Variants in COL4A2 observed in about 807,000 individuals in gnomAD.
COL4A2 encodes the protein collagen alpha-2(IV) chain.
Under a neutral mutation model 200.2 loss-of-function variants are expected in COL4A2, and 99 were observed. That is an observed-to-expected ratio of 0.49 (90% CI 0.42 to 0.58). The LOEUF (loss-of-function observed/expected upper bound fraction) is 0.58. Ranked by LOEUF, COL4A2 falls within the 20% of genes least tolerant of loss-of-function variation. COL4A2 has a pLI of 0.00. For missense variants in COL4A2, 1,950 were observed against 2,314.1 expected, an observed-to-expected ratio of 0.84 and a Z score of 3.23; for synonymous variants, 897 against 900.6, an observed-to-expected ratio of 1.00 and a Z score of 0.07.
At chr13:110,309,883 C>T (rs746173441) in intron 3 of COL4A2, among the ~76,000 whole-genome samples, 1 of 152,166 alleles carries the variant, frequency 6.6e-6, no homozygotes, top group African/African-American at 2.4e-5. Flanking sequence ...TCCAGCTACT[C>T]AGGAGGCTGA....
chr13:110,377,050 T>C (rs960413375), intron 4 of COL4A2, among the ~76,000 whole-genome samples: 3 of 152,092 alleles, frequency 2.0e-5, no homozygotes, highest in East Asian at 1.9e-4. Context: ...ATTTTACTTA[T>C]TACGTTGAAT....
chr13:110,366,386 G>A (rs373755956), intron 4 of COL4A2, among the ~76,000 whole-genome samples: 4 of 152,152 alleles, frequency 2.6e-5, no homozygotes, highest in African/African-American at 7.2e-5. Flanking sequence ...TTATCTCAGC[G>A]GTCCTTTAGA....
chr13:110,311,892 G>T (rs1002755259), intron 3 of COL4A2, among the ~76,000 whole-genome samples: 1 of 152,192 alleles, frequency 6.6e-6, no homozygotes, highest in South Asian at 2.1e-4. Flanking sequence ...GGCTGTCCTC[G>T]GGGCTCCAGC....
At position 110,429,832 on chromosome 13, in the gene COL4A2, G is replaced by A. The variant is rs1383911268; in HGVS notation, c.478-53G>A. 2.1e-5 allele frequency: 33 copies of A among 1,566,354 alleles called. No individual in the cohort carries two copies. The Admixed American group carries it at 5.5e-4, about 26-fold the overall frequency. Reference sequence around the variant, plus strand: ...CCACATTACCATAGCTGCACCGAATGTTAATGGACTCTTTTTGTTGTTTTT... The same window carrying A: ...CCACATTACCATAGCTGCACCGAATATTAATGGACTCTTTTTGTTGTTTTT... On this transcript the variant is annotated intron_variant, in intron 7 of 47. Transcript: ENST00000360467.
intron 3 of COL4A2, among the ~76,000 whole-genome samples, chr13:110,350,415 A>G (rs4773165): frequency 0.012 from 1,754 of 152,250 alleles, 18 homozygotes; most frequent in Non-Finnish European, 0.018. Flanking sequence ...AATTTTTTTT[A>G]GCACTTGGAG....
chr13:110,362,852 A>G (rs1877577676), intron 4 of COL4A2, among the ~76,000 whole-genome samples: 1 of 152,208 alleles, frequency 6.6e-6, no homozygotes, highest in Admixed American at 6.5e-5. Context: ...CAGATGGTGA[A>G]AGTCTTGGAT....
chr13:110,350,305 T>C (rs1876898449), intron 3 of COL4A2, among the ~76,000 whole-genome samples: 1 of 152,196 alleles, frequency 6.6e-6, no homozygotes, highest in Non-Finnish European at 1.5e-5. Context: ...CCTACAGTTT[T>C]GAATTGGCAC....
chr13:110,446,919 T>G (rs754317983), intron 18 of COL4A2, 55 bp downstream of exon 18: 16 of 1,450,472 alleles, frequency 1.1e-5, no homozygotes, highest in Non-Finnish European at 1.5e-5. Context: ...TTCTCTCCTG[T>G]TAGGGACACA....
intron 30 of COL4A2, 96 bp downstream of exon 30, chr13:110,478,260 C>T: frequency 7.9e-7 from 1 of 1,263,126 alleles, no homozygotes; most frequent in Non-Finnish European, 1.1e-6. Context: ...AAGTCTGTTC[C>T]ATGGAACCCC....
intron 39 of COL4A2, among the ~76,000 whole-genome samples, chr13:110,494,884 A>C (rs9555712): frequency 0.11 from 17,469 of 152,304 alleles, 1,293 homozygotes; most frequent in South Asian, 0.21. Context: ...ACACTCCATT[A>C]CAGTTCCAGT....
At chr13:110,458,011 G>T in intron 21 of COL4A2, 1 of 421,088 alleles carries the variant, frequency 2.4e-6, no homozygotes, top group South Asian at 1.8e-5. Context: ...GTGAGGCTCT[G>T]TGGGCCCTGG....
chr13:110,460,093 A>G (rs1008444103), intron 22 of COL4A2, among the ~76,000 whole-genome samples: 1 of 152,230 alleles, frequency 6.6e-6, no homozygotes, highest in Admixed American at 6.5e-5. Flanking sequence ...TGGGAAATTT[A>G]TAAAGCAAAA....
chr13:110,409,132 TGCACACAC>T (rs1422919692), intron 4 of COL4A2, among the ~76,000 whole-genome samples: 10 of 141,238 alleles, frequency 7.1e-5, no homozygotes, highest in African/African-American at 2.1e-4. Flanking sequence ...CACATGCACA[TGCACACAC>T]GCACACATGT....
At chr13:110,371,577 A>C (rs747660979) in intron 4 of COL4A2, among the ~76,000 whole-genome samples, 24 of 152,266 alleles carry the variant, frequency 1.6e-4, no homozygotes, top group Non-Finnish European at 1.3e-4. Flanking sequence ...CTGCAACTTT[A>C]TTAGAAGACA....
chr13:110,463,930 G>T (rs7336609), intron 24 of COL4A2, among the ~76,000 whole-genome samples: 87,840 of 151,510 alleles, frequency 0.58, 26,126 homozygotes, highest in Middle Eastern at 0.73. Context: ...GGAGGCAACA[G>T]GGTTAAATAA....
chr13:110,398,707 A>AAAAG (rs964118719), intron 4 of COL4A2, among the ~76,000 whole-genome samples: 11 of 151,996 alleles, frequency 7.2e-5, no homozygotes, highest in Non-Finnish European at 1.5e-4. Context: ...GAAAGAAAGA[A>AAAAG]AAAGAAAGAA....
At chr13:110,339,164 C>A (rs1046463546) in intron 3 of COL4A2, among the ~76,000 whole-genome samples, 20 of 152,178 alleles carry the variant, frequency 1.3e-4, no homozygotes, top group African/African-American at 4.6e-4. Context: ...TGATTGAGCT[C>A]AGAGAAACTT....
intron 4 of COL4A2, among the ~76,000 whole-genome samples, chr13:110,389,053 C>T (rs2139420234): frequency 6.6e-6 from 1 of 152,306 alleles, no homozygotes; most frequent in Non-Finnish European, 1.5e-5. Flanking sequence ...TCAGACCCAT[C>T]CTTCCTTTGT....
At chr13:110,357,685 C>T (rs1414475155) in intron 4 of COL4A2, 133 bp downstream of exon 4, 11 of 1,336,746 alleles carry the variant, frequency 8.2e-6, no homozygotes, top group Non-Finnish European at 1.1e-5. Context: ...AGAGTACTCA[C>T]ACAAACCTAG....
Sources: allele counts gnomAD v4.1 joint callset (sites outside exome capture counted in the v4.1 genomes callset), GRCh38; gene constraint gnomAD v4.1.1; transcripts MANE v1.5; gene names NCBI Gene and HGNC (gene_info 2026-07-23, HGNC 2026-07-21).